NRG1: variants seen among roughly 807,000 people sequenced by gnomAD.
NRG1 encodes neuregulin 1.
A neutral mutation model predicts 63.8 loss-of-function variants in NRG1; 18 were observed. The observed-to-expected ratio is 0.28, with a 90% CI of 0.19 to 0.42. The LOEUF is 0.42. NRG1 is among the 10% of genes least tolerant of loss of function. The probability of loss-of-function intolerance (pLI) is 1.00; values close to 1 mark genes in which losing one functional copy is unlikely to be tolerated. For synonymous variants in NRG1, 302 were observed against 301.3 expected (o/e 1.00, Z -0.02); for missense variants, 762 against 814.7 (o/e 0.94, Z 0.79).
At chr8:32,334,991 G>A (rs770408462) in intron 1 of NRG1, among the ~76,000 whole-genome samples, 9 of 152,048 alleles carry the variant, frequency 5.9e-5, no homozygotes, top group South Asian at 2.1e-4. Flanking sequence ...AGCCCTGCAC[G>A]TCCAGTGTTA....
At chr8:32,239,616 A>C (rs1324236137) in intron 1 of NRG1, among the ~76,000 whole-genome samples, 4 of 152,314 alleles carry the variant, frequency 2.6e-5, no homozygotes, top group East Asian at 3.9e-4. Flanking sequence ...AAAGAATTAA[A>C]AGAAACACTA....
chr8:32,094,630 A>G (rs541699611), intron 1 of NRG1, among the ~76,000 whole-genome samples: 4 of 152,204 alleles, frequency 2.6e-5, no homozygotes, highest in Non-Finnish European at 5.9e-5. Flanking sequence ...AATGAGTTCT[A>G]TAGTGAAACA....
intron 5 of NRG1, among the ~76,000 whole-genome samples, chr8:32,682,335 A>T (rs1245828122): frequency 6.6e-6 from 1 of 152,164 alleles, no homozygotes; most frequent in Non-Finnish European, 1.5e-5. Context: ...TATTATTAAA[A>T]AGTCACCTTG....
intron 8 of NRG1, among the ~76,000 whole-genome samples, chr8:32,755,891 C>T (rs755895743): frequency 3.7e-4 from 57 of 152,068 alleles, no homozygotes; most frequent in Non-Finnish European, 5.6e-4. Flanking sequence ...GACAGGTGCA[C>T]GCCACCAGCC....
At chr8:32,602,429 AG>A (rs1409550693) in intron 2 of NRG1, among the ~76,000 whole-genome samples, 2 of 152,148 alleles carry the variant, frequency 1.3e-5, no homozygotes. Flanking sequence ...CTAGTTCAAT[AG>A]TTAAAATGTT....
chr8:32,606,135 A>G (rs761371807), intron 3 of NRG1, among the ~76,000 whole-genome samples: 1 of 148,780 alleles, frequency 6.7e-6, no homozygotes, highest in Non-Finnish European at 1.5e-5. Flanking sequence ...TTACGTATAT[A>G]TAACATATGT....
At position 31,639,475 on chromosome 8, in the gene NRG1, C is replaced by A. The variant is rs1367225324; in HGVS notation, c.37+44C>A. On this transcript the variant is annotated intron_variant, in intron 1 of 10. Transcript: ENST00000519301. ...CGCAGGACGCTGTCGCCGCCGCGGC[C>A]ACCCAGCGATTTCCAGGCACGCAAC... The A allele has an allele frequency of 2.6e-6, 4 of 1,531,246 alleles. No homozygotes were observed. The Admixed American group carries it at 7.9e-5, about 30-fold the overall frequency. The allele number at this position is 1,531,246 out of a possible 1,614,324, so 94.9% of individuals were successfully genotyped here. A position where few individuals can be genotyped will look rare whatever the true frequency, so the allele number is the denominator to read the frequency against.
chr8:32,321,482 A>T (rs1586814832), intron 1 of NRG1, among the ~76,000 whole-genome samples: 1 of 134,314 alleles, frequency 7.4e-6, no homozygotes, highest in African/African-American at 3.1e-5. Context: ...TACCACCTGT[A>T]AAAAAAAAAA....
intron 1 of NRG1, among the ~76,000 whole-genome samples, chr8:32,173,028 A>G (rs1377645294): frequency 6.6e-6 from 1 of 152,056 alleles, no homozygotes; most frequent in Non-Finnish European, 1.5e-5. Flanking sequence ...ACTCCAAGAC[A>G]CATAATTGTC....
chr8:31,640,646 C>T lies in NRG1; in HGVS notation c.37+1215C>T. ...GCCAACAGCACCAGCCGCGCGCCGG[C>T]CGCCTTCCGAGCCTCTTTCCCCCCT... is the stretch of plus-strand genomic sequence containing the variant. On this transcript the variant is annotated intron_variant, in intron 1 of 10. Coordinates refer to the NRG1 transcript ENST00000519301. The surrounding 1 kb of genome is among the most constrained non-coding windows in gnomAD (Gnocchi z 6.3). The T allele has an allele frequency of 6.2e-7, 1 of 1,608,718 alleles. No individual in the cohort carries two copies. Among genetic ancestry groups the T allele is most frequent in the African/African-American group, 1.3e-5 (1 of 74,694 alleles).
chr8:31,860,316 C>T (rs1019490954), intron 1 of NRG1, among the ~76,000 whole-genome samples: 1 of 152,138 alleles, frequency 6.6e-6, no homozygotes, highest in Admixed American at 6.5e-5. Flanking sequence ...CTATAATACT[C>T]ATAATGCTGA....
rs890081376 is a variant in NRG1, at chr8:32,012,655, G to A, written c.37+373224G>A. On this transcript the variant is annotated intron_variant, in intron 1 of 10. Coordinates refer to the NRG1 transcript ENST00000519301. The stretch of plus-strand genomic sequence containing the variant: ...CTAATTGAACATGGGAGAAAACGTA[G>A]CTTCCTTCTAAGGCTCAGCTTCCTC... Among the ~76,000 whole-genome samples, 6 of 152,080 alleles carry A rather than the reference G, an allele frequency of 3.9e-5. No individual in the cohort carries two copies. In the East Asian group the frequency reaches 1.2e-3, roughly 29 times the overall value.
intron 1 of NRG1, among the ~76,000 whole-genome samples, chr8:32,448,598 G>C (rs534950936): frequency 6.6e-6 from 1 of 152,070 alleles, no homozygotes; most frequent in Non-Finnish European, 1.5e-5. Context: ...GTGCTCCTAA[G>C]GTAACCGCAA....
At chr8:32,221,859 C>G (rs1404176080) in intron 1 of NRG1, among the ~76,000 whole-genome samples, 1 of 151,474 alleles carries the variant, frequency 6.6e-6, no homozygotes, top group African/African-American at 2.4e-5. Flanking sequence ...TTTTTTTGCT[C>G]TCTTCTCAAC....
At chr8:31,839,708 C>T (rs562546722) in intron 1 of NRG1, among the ~76,000 whole-genome samples, 118 of 152,238 alleles carry the variant, frequency 7.8e-4, no homozygotes, top group Non-Finnish European at 1.5e-3. Context: ...AAACAGGAAA[C>T]GTCTTTGAAG....
At chr8:32,728,109 G>A (rs1822695460) in intron 6 of NRG1, 31 bp downstream of exon 6, 1 of 1,612,458 alleles carries the variant, frequency 6.2e-7, no homozygotes, top group Admixed American at 1.7e-5. Flanking sequence ...TGTCGCTTAT[G>A]TCTATAACTC....
intron 1 of NRG1, among the ~76,000 whole-genome samples, chr8:32,052,480 C>T (rs529105878): frequency 1.2e-3 from 178 of 151,872 alleles, no homozygotes; most frequent in African/African-American, 1.9e-3. Flanking sequence ...AGGGGTCTCA[C>T]GGTGCTGGCC....
intron 1 of NRG1, among the ~76,000 whole-genome samples, chr8:32,451,896 G>T (rs1047346771): frequency 2.6e-5 from 4 of 152,058 alleles, no homozygotes; most frequent in African/African-American, 9.7e-5. Flanking sequence ...TATGATGTTG[G>T]CTCACTGCAG....
intron 5 of NRG1, among the ~76,000 whole-genome samples, chr8:32,675,797 A>G (rs2439313): frequency 0.53 from 80,435 of 151,954 alleles, 21,951 homozygotes; most frequent in Non-Finnish European, 0.61. Context: ...TTAATCATCA[A>G]TAAAATATGG....
Sources: gnomAD v4.1 joint callset for allele counts (sites outside exome capture counted in the v4.1 genomes callset) on GRCh38, gnomAD v4.1.1 for gene constraint, Gnocchi (gnomAD v3.1) non-coding constraint, MANE v1.5 for transcripts, NCBI Gene and HGNC (gene_info 2026-07-23, HGNC 2026-07-21) for gene names.